The following C2orf49 variants were observed in gnomAD, a reference collection of about 807,000 sequenced individuals.
C2orf49 encodes tRNA-splicing ligase complex subunit ASW.
In C2orf49, 11 loss-of-function variants were observed where a neutral mutation model predicts 20.6. That is an observed-to-expected ratio of 0.53 (90% CI 0.34 to 0.88). C2orf49 has a LOEUF of 0.88. Among genes scored for constraint, C2orf49 ranks in the 40% least tolerant of loss-of-function variants. C2orf49 has a pLI of 0.02. For missense variants in C2orf49, 289 were observed against 274.2 expected, an observed-to-expected ratio of 1.05 and a Z score of -0.38; for synonymous variants, 134 against 108.5, an observed-to-expected ratio of 1.24 and a Z score of -1.46.
the C2orf49 span, among the ~76,000 whole-genome samples, chr2:105,366,174 C>T: frequency 6.6e-6 from 1 of 151,712 alleles, no homozygotes; most frequent in East Asian, 1.9e-4. Flanking sequence ...CGAGCCACTG[C>T]ACTCCAGCCT....
At chr2:105,339,550 G>A in intron 1 of C2orf49, 33 bp from the exon 2 acceptor site, 1 of 1,570,896 alleles carries the variant, frequency 6.4e-7, no homozygotes, top group African/African-American at 1.4e-5. Flanking sequence ...TAAAAACATT[G>A]TTTTGAAATT....
At chr2:105,377,852 C>CG in the C2orf49 span, 7 of 354,500 alleles carry the variant, frequency 2.0e-5, no homozygotes, top group South Asian at 8.8e-5. Flanking sequence ...GATCCTTGGC[C>CG]TCTCTCTGGG....
chr2:105,352,451 C>CCT (rs1679960039), downstream of C2orf49, among the ~76,000 whole-genome samples: 2 of 14,848 alleles, frequency 1.3e-4, no homozygotes, highest in Non-Finnish European at 2.6e-4. Flanking sequence ...TTTTTTTTTT[C>CCT]GTTTTTTTTT....
the C2orf49 span, chr2:105,367,599 G>A: frequency 6.2e-7 from 1 of 1,614,146 alleles, no homozygotes; most frequent in African/African-American, 1.3e-5. Flanking sequence ...TGCATGGCAT[G>A]TTGTTTCTCA....
chr2:105,384,598 C>T, the C2orf49 span, among the ~76,000 whole-genome samples: 11 of 152,270 alleles, frequency 7.2e-5, no homozygotes, highest in South Asian at 8.3e-4. Flanking sequence ...ACTTCTGCCT[C>T]CCAGGTTCAA....
At chr2:105,340,122 A>G (rs1265843919) in intron 2 of C2orf49, among the ~76,000 whole-genome samples, 1 of 152,248 alleles carries the variant, frequency 6.6e-6, no homozygotes, top group African/African-American at 2.4e-5. Flanking sequence ...TGGATCTGGA[A>G]TGTGCCCATC....
In C2orf49 at chr2:105,339,648, A is replaced by C. The variant is rs1360108244; in HGVS notation, c.165A>C (p.Gln55His). Residue 55 changes from glutamine to histidine, a missense_variant, in exon 2 of 4, where the codon CAA becomes CAC. By Grantham distance (24) the Gln-to-His change is conservative. Transcript: ENST00000258457. Reference sequence around the variant, plus strand: ...ACAGTCTTACTGACCTTTATGTCCAACATGCAATACCATTGCCTCAGAGGG... The same window carrying C: ...ACAGTCTTACTGACCTTTATGTCCACCATGCAATACCATTGCCTCAGAGGG... Reference protein sequence around the residue: ...NKDSLTDLYVQHAIPLPQRDL... With the variant: ...NKDSLTDLYVHHAIPLPQRDL... 2 of 1,609,018 alleles carry C rather than the reference A, an allele frequency of 1.2e-6. No homozygotes were observed. Among genetic ancestry groups the C allele is most frequent in the Non-Finnish European group, 1.7e-6 (2 of 1,179,048 alleles).
chr2:105,361,545 G>T, the C2orf49 span: 4 of 907,118 alleles, frequency 4.4e-6, no homozygotes, highest in African/African-American at 5.1e-5. Context: ...GTGTAATATG[G>T]ATAATGTGAA....
chr2:105,375,406 G>A, the C2orf49 span: 3 of 152,242 alleles, frequency 2.0e-5, no homozygotes, highest in East Asian at 1.9e-4. Context: ...GACGCAAGAC[G>A]ATAAAGAATG....
At chr2:105,360,833 C>T in the C2orf49 span, 1 of 155,476 alleles carries the variant, frequency 6.4e-6, no homozygotes, top group Non-Finnish European at 1.4e-5. Flanking sequence ...AGATTCTGTT[C>T]TGAATAACTT....
chr2:105,350,439 T>G (rs1246186751), downstream of C2orf49, among the ~76,000 whole-genome samples: 1 of 152,170 alleles, frequency 6.6e-6, no homozygotes. Context: ...TTGGAAGCTG[T>G]TTGTTAACTC....
At chr2:105,382,810 G>A in the C2orf49 span, among the ~76,000 whole-genome samples, 9 of 152,088 alleles carry the variant, frequency 5.9e-5, no homozygotes, top group East Asian at 3.9e-4. Context: ...TACGTGTGTC[G>A]CCCAGGGCTT....
At chr2:105,355,770 T>TGTGTG in the C2orf49 span, among the ~76,000 whole-genome samples, 5,628 of 143,134 alleles carry the variant, frequency 0.039, 230 homozygotes, top group Middle Eastern at 0.053. Flanking sequence ...AGAAAAAATT[T>TGTGTG]TGTGTGTGTG....
the C2orf49 span, among the ~76,000 whole-genome samples, chr2:105,357,118 T>C: frequency 6.6e-6 from 1 of 152,118 alleles, no homozygotes; most frequent in Non-Finnish European, 1.5e-5. Flanking sequence ...TGACTAGTCA[T>C]GAACTCTGAA....
At chr2:105,352,006 C>G (rs150516318), downstream of C2orf49, among the ~76,000 whole-genome samples, 1 of 152,288 alleles carries the variant, frequency 6.6e-6, no homozygotes, top group Non-Finnish European at 1.5e-5. Flanking sequence ...CCTTGCATGT[C>G]TGGAACCTCC....
chr2:105,342,153 CAA>C (rs1417194859), intron 2 of C2orf49, among the ~76,000 whole-genome samples: 3 of 152,356 alleles, frequency 2.0e-5, no homozygotes, highest in East Asian at 1.9e-4. Context: ...CCCTGGGCAA[CAA>C]GAGCGCAACT....
the C2orf49 span, among the ~76,000 whole-genome samples, chr2:105,369,068 CAG>C: frequency 6.6e-6 from 1 of 152,166 alleles, no homozygotes; most frequent in Non-Finnish European, 1.5e-5. Context: ...GTAGTTGTGA[CAG>C]AGACTGTATG....
intron 3 of C2orf49, 35 bp from the exon 4 acceptor site, chr2:105,345,280 G>A (rs781378129): frequency 6.4e-7 from 1 of 1,571,344 alleles, no homozygotes; most frequent in Middle Eastern, 1.7e-4. Context: ...TGATATTTCT[G>A]CAAGTATAAA....
the C2orf49 span, among the ~76,000 whole-genome samples, chr2:105,379,586 T>C: frequency 2.6e-5 from 4 of 152,166 alleles, no homozygotes; most frequent in African/African-American, 7.2e-5. Flanking sequence ...TCTCCAACAT[T>C]CCCACTGCCC....
Sources: allele counts gnomAD v4.1 joint callset (sites outside exome capture counted in the v4.1 genomes callset), GRCh38; gene constraint gnomAD v4.1.1; transcripts MANE v1.5; gene names NCBI Gene and HGNC (gene_info 2026-07-23, HGNC 2026-07-21).